The following AMZ2 variants were observed in gnomAD, a reference collection of about 807,000 sequenced individuals.
AMZ2 encodes the protein archaemetzincin-2.
A neutral mutation model predicts 36.7 loss-of-function variants in AMZ2; 26 were observed. That is an observed-to-expected ratio of 0.71 (90% confidence interval 0.52 to 0.98). The LOEUF (loss-of-function observed/expected upper bound fraction) is 0.98. AMZ2 is among the 50% of genes least tolerant of loss of function. The pLI, the probability that AMZ2 is intolerant of heterozygous loss-of-function variation, is 0.00. For missense variants in AMZ2, 394 were observed against 430.5 expected (o/e 0.92, Z 0.75); for synonymous variants, 144 against 149.1 (o/e 0.97, Z 0.25).
At chr17:68,215,553 G>A (rs1451841880) in intron 1 of AMZ2, among the ~76,000 whole-genome samples, 1 of 120,916 alleles carries the variant, frequency 8.3e-6, no homozygotes, top group Non-Finnish European at 1.8e-5. Context: ...GACTCTGTCT[G>A]TCTCCAAAAA....
intron 1 of AMZ2, among the ~76,000 whole-genome samples, chr17:68,237,202 G>A (rs2073809255): frequency 6.6e-6 from 1 of 152,136 alleles, no homozygotes; most frequent in South Asian, 2.1e-4. Flanking sequence ...TGAAAAATTA[G>A]AATGTACAAT....
At chr17:68,224,163 G>C (rs1369048694) in intron 1 of AMZ2, among the ~76,000 whole-genome samples, 1 of 152,010 alleles carries the variant, frequency 6.6e-6, no homozygotes, top group Non-Finnish European at 1.5e-5. Context: ...GGCCGGTCTC[G>C]AACTCCTGAC....
intron 1 of AMZ2, among the ~76,000 whole-genome samples, chr17:68,214,527 C>T (rs1269776639): frequency 6.6e-6 from 1 of 152,200 alleles, no homozygotes; most frequent in Non-Finnish European, 1.5e-5. Context: ...CAGTTTACCT[C>T]CTCTAGAGAC....
At chr17:68,256,678 T>G (rs2074929021) in intron 6 of AMZ2, 136 bp from the exon 7 acceptor site, 2 of 812,150 alleles carry the variant, frequency 2.5e-6, no homozygotes, top group Non-Finnish European at 3.8e-6. Context: ...TTATTTCATA[T>G]TCACACCATC....
intron 1 of AMZ2, chr17:68,207,494 C>T (rs1235977619): frequency 1.3e-5 from 2 of 149,852 alleles, no homozygotes; most frequent in Non-Finnish European, 3.0e-5. Context: ...TGAGAAAATA[C>T]TTGTGAGGAA....
chr17:68,257,020 T>C lies in AMZ2; in HGVS notation c.*51T>C. On this transcript the variant is annotated 3_prime_UTR_variant, in exon 7 of 7. Coordinates refer to ENST00000359904, the MANE Select transcript of AMZ2 (RefSeq NM_016627.5). Reference sequence around the variant, plus strand: ...ATAAATAACTACTTGCATGTTATGCTTTCATTTGGGTGGAATACTTCATTG... The same window carrying C: ...ATAAATAACTACTTGCATGTTATGCCTTCATTTGGGTGGAATACTTCATTG... 4 of 1,576,984 alleles carry C rather than the reference T, an allele frequency of 2.5e-6. No homozygotes were observed. Among genetic ancestry groups the C allele is most frequent in the Non-Finnish European group, 3.5e-6 (4 of 1,156,406 alleles).
intron 1 of AMZ2, among the ~76,000 whole-genome samples, chr17:68,242,859 T>C (rs2144652543): frequency 6.6e-6 from 1 of 151,658 alleles, no homozygotes; most frequent in East Asian, 2.0e-4. Context: ...CTGGGCAACA[T>C]GGTGAAACCC....
upstream of AMZ2, among the ~76,000 whole-genome samples, chr17:68,246,439 G>A (rs187953060): frequency 6.6e-6 from 1 of 152,142 alleles, no homozygotes; most frequent in African/African-American, 2.4e-5. Context: ...AGTTGACACA[G>A]GTCCCACGCT....
chr17:68,252,362 T>G (rs2074548235), intron 4 of AMZ2, among the ~76,000 whole-genome samples: 1 of 152,220 alleles, frequency 6.6e-6, no homozygotes, highest in South Asian at 2.1e-4. Flanking sequence ...GTGGCCCCCA[T>G]GGCCCTACCA....
At chr17:68,242,894 A>G (rs1354096898) in intron 1 of AMZ2, among the ~76,000 whole-genome samples, 9 of 151,938 alleles carry the variant, frequency 5.9e-5, no homozygotes, top group African/African-American at 2.2e-4. Context: ...AACACAAAAC[A>G]TTAGCCAGGT....
chr17:68,245,848 G>A (rs1555735173), upstream of AMZ2, among the ~76,000 whole-genome samples: 26 of 152,082 alleles, frequency 1.7e-4, no homozygotes, highest in Non-Finnish European at 4.4e-5. Context: ...GTACACACAA[G>A]GCAATGAACA....
intron 1 of AMZ2, among the ~76,000 whole-genome samples, chr17:68,211,444 A>C (rs1229721422): frequency 1.3e-5 from 2 of 151,620 alleles, no homozygotes; most frequent in African/African-American, 4.9e-5. Flanking sequence ...TGGAGATTGC[A>C]GTGAGCCAAG....
chr17:68,250,541 A>G (rs1199583116), intron 2 of AMZ2, 71 bp downstream of exon 2: 65 of 1,546,174 alleles, frequency 4.2e-5, no homozygotes, highest in Non-Finnish European at 5.5e-5. Flanking sequence ...AGTCCAGGCT[A>G]TGGGTCTGAT....
rs541849039 is a variant in AMZ2, at chr17:68,255,734, T to C, written c.785T>C (p.Leu262Pro). ...LTHEIGHIFG[L>P]RHCQWLACLM... ...CATGAGATCGGACACATATTTGGAC[T>C]GCGACACTGCCAGTGGCTTGCATGC... The change falls in exon 6 of 7, where the codon CTG becomes CCG. Residue 262 changes from leucine to proline, a missense_variant. Physicochemically the swap from Leu to Pro is moderately conservative, Grantham distance 98. Transcript: ENST00000359904. 6.9e-5 allele frequency: 112 copies of C among 1,614,098 alleles called. No homozygotes were observed. The highest frequency in any genetic ancestry group is 9.2e-5 in the Non-Finnish European group (109 of 1,180,038).
At position 68,250,405 on chromosome 17, in the gene AMZ2, T is replaced by C; in HGVS notation, c.218T>C (p.Phe73Ser). ...HPEAPQDFEQFFSDPYRKTPS... is the reference protein window; with the variant it reads ...HPEAPQDFEQSFSDPYRKTPS... ...GAGGCTCCCCAAGACTTTGAACAGT[T>C]CTTCAGTGATCCTTACAGAAAGACA... The change falls in exon 2 of 7, where the codon TTC becomes TCC. Residue 73 changes from phenylalanine (F) to serine (S), a missense_variant. Phe to Ser is a radical substitution (Grantham distance 155, BLOSUM62 -2). Transcript: ENST00000359904. 1 of 1,614,192 alleles carries C rather than the reference T, an allele frequency of 6.2e-7. No individual in the cohort carries two copies. The highest frequency in any genetic ancestry group is 2.2e-5 in the East Asian group (1 of 44,876).
chr17:68,246,770 C>G (rs2074032690), upstream of AMZ2: 1 of 152,192 alleles, frequency 6.6e-6, no homozygotes, highest in Non-Finnish European at 1.5e-5. Flanking sequence ...TTGAAAGGTT[C>G]AGAGTTAATG....
At position 68,235,497 on chromosome 17, in the gene AMZ2, C is replaced by T. The variant is rs1555732290; in HGVS notation, c.-66-13143C>T. Among the ~76,000 whole-genome samples the T allele has an allele frequency of 6.6e-6, 1 of 152,158 alleles. No individual in the cohort carries two copies. Among genetic ancestry groups the T allele is most frequent in the African/African-American group, 2.4e-5 (1 of 41,430 alleles). On this transcript the variant is annotated intron_variant, in intron 1 of 7. Coordinates refer to the AMZ2 transcript ENST00000674770. The surrounding 1 kb of genome is among the most constrained non-coding windows in gnomAD (Gnocchi z 4.2). ...CCAAGTCCACAGACCGTGGAGTTCGCGCCCTCTCACTGTGGCACACGGGCC... is the reference window on the plus strand; with the variant it reads ...CCAAGTCCACAGACCGTGGAGTTCGTGCCCTCTCACTGTGGCACACGGGCC...
chr17:68,211,372 G>A (rs570730864), intron 1 of AMZ2, among the ~76,000 whole-genome samples: 3 of 151,996 alleles, frequency 2.0e-5, no homozygotes, highest in African/African-American at 4.8e-5. Context: ...GCGTGGTGGC[G>A]GGCATCTGTA....
At chr17:68,220,940 G>A (rs1315494977) in intron 1 of AMZ2, among the ~76,000 whole-genome samples, 23 of 151,626 alleles carry the variant, frequency 1.5e-4, no homozygotes, top group Admixed American at 1.1e-3. Context: ...ATGCCTCCAC[G>A]CCCGGCTAAT....
Sources: gnomAD v4.1 joint callset for allele counts (sites outside exome capture counted in the v4.1 genomes callset) on GRCh38, gnomAD v4.1.1 for gene constraint, Gnocchi (gnomAD v3.1) non-coding constraint, MANE v1.5 for transcripts, NCBI Gene and HGNC (gene_info 2026-07-23, HGNC 2026-07-21) for gene names.